The following MCCC2 variants were observed in gnomAD, a reference collection of about 807,000 sequenced individuals.
MCCC2 encodes methylcrotonyl-CoA carboxylase subunit 2.
A neutral mutation model predicts 77.2 loss-of-function variants in MCCC2; 52 were observed. That is an observed-to-expected ratio of 0.67 (90% CI 0.54 to 0.85). The LOEUF (loss-of-function observed/expected upper bound fraction) is 0.85, where lower values mean the gene tolerates loss of function less well. Among genes scored for constraint, MCCC2 ranks in the 40% least tolerant of loss-of-function variants. MCCC2 has a pLI of 0.00. For missense variants in MCCC2, 682 were observed against 703.2 expected (o/e 0.97, Z 0.34); for synonymous variants, 253 against 248.4 (o/e 1.02, Z -0.18).
chr5:71,633,615 G>A (rs1345521812), intron 8 of MCCC2, among the ~76,000 whole-genome samples: 1 of 151,804 alleles, frequency 6.6e-6, no homozygotes, highest in Admixed American at 6.6e-5. Context: ...TCTCTCAAAT[G>A]CATCTTTATA....
intron 7 of MCCC2, among the ~76,000 whole-genome samples, chr5:71,628,080 G>C (rs1346538310): frequency 6.6e-6 from 1 of 152,178 alleles, no homozygotes; most frequent in Non-Finnish European, 1.5e-5. Context: ...CTGACCTCAG[G>C]TGGTATGCCT....
chr5:71,643,449 T>C (rs1747184608), intron 11 of MCCC2, among the ~76,000 whole-genome samples: 3 of 152,234 alleles, frequency 2.0e-5, no homozygotes, highest in Non-Finnish European at 2.9e-5. Flanking sequence ...TGTTAATTTT[T>C]CTTCAATAAT....
intron 7 of MCCC2, among the ~76,000 whole-genome samples, chr5:71,629,438 G>A (rs530848475): frequency 3.3e-5 from 5 of 152,208 alleles, no homozygotes; most frequent in African/African-American, 9.6e-5. Context: ...CTTTGTGAAT[G>A]TACTAAAAGC....
intron 8 of MCCC2, among the ~76,000 whole-genome samples, chr5:71,634,192 T>G (rs1459122475): frequency 1.3e-5 from 2 of 152,218 alleles, no homozygotes; most frequent in Non-Finnish European, 2.9e-5. Context: ...TATTAGAAAG[T>G]CATAGTTTAT....
At chr5:71,640,089 A>C (rs1747073421) in intron 10 of MCCC2, among the ~76,000 whole-genome samples, 1 of 152,172 alleles carries the variant, frequency 6.6e-6, no homozygotes, top group African/African-American at 2.4e-5. Context: ...CTGATATATA[A>C]TGATAAGCCC....
chr5:71,643,641 G>A (rs1005015906), intron 11 of MCCC2, 178 bp from the exon 12 acceptor site: 3 of 1,217,742 alleles, frequency 2.5e-6, no homozygotes, highest in South Asian at 2.7e-5. Context: ...AGAAACCAGA[G>A]TCTAGGACCT....
At chr5:71,603,538 G>A (rs914236802) in intron 5 of MCCC2, among the ~76,000 whole-genome samples, 2 of 150,600 alleles carry the variant, frequency 1.3e-5, no homozygotes, top group Non-Finnish European at 2.9e-5. Flanking sequence ...GGTATTTTTT[G>A]TTTTGTGTTT....
intron 6 of MCCC2, among the ~76,000 whole-genome samples, chr5:71,608,942 T>G (rs1228937427): frequency 6.6e-6 from 1 of 152,156 alleles, no homozygotes; most frequent in Non-Finnish European, 1.5e-5. Flanking sequence ...GATCCGCTGT[T>G]AGTCTGATGG....
intron 7 of MCCC2, among the ~76,000 whole-genome samples, chr5:71,627,781 T>G (rs1444543579): frequency 6.6e-6 from 1 of 152,098 alleles, no homozygotes; most frequent in Non-Finnish European, 1.5e-5. Flanking sequence ...AGTACCTCAT[T>G]TTGGTTTTGA....
chr5:71,629,703 A>T (rs1409363706), intron 7 of MCCC2, among the ~76,000 whole-genome samples: 6 of 151,500 alleles, frequency 4.0e-5, no homozygotes. Flanking sequence ...CAAATGTAAA[A>T]GTCTTAAGGC....
At chr5:71,647,619 A>G (rs1747305449) in intron 13 of MCCC2, among the ~76,000 whole-genome samples, 1 of 152,112 alleles carries the variant, frequency 6.6e-6, no homozygotes, top group African/African-American at 2.4e-5. Context: ...ATTCACCTGG[A>G]GGCATATAGT....
intron 10 of MCCC2, among the ~76,000 whole-genome samples, chr5:71,637,667 A>T (rs752086855): frequency 2.6e-5 from 4 of 152,168 alleles, no homozygotes; most frequent in Non-Finnish European, 4.4e-5. Context: ...TCTTGCTTTT[A>T]TGAAATATTC....
intron 6 of MCCC2, 76 bp from the exon 7 acceptor site, chr5:71,626,564 G>T: frequency 8.7e-7 from 1 of 1,146,172 alleles, no homozygotes. Context: ...CAGTGTTTGT[G>T]GGATTCTGGA....
At chr5:71,623,059 G>A (rs1473072934) in intron 6 of MCCC2, among the ~76,000 whole-genome samples, 2 of 152,218 alleles carry the variant, frequency 1.3e-5, no homozygotes, top group Non-Finnish European at 2.9e-5. Context: ...GCCATCTCTG[G>A]AATAGTTGAA....
intron 6 of MCCC2, among the ~76,000 whole-genome samples, chr5:71,624,308 AGATGGTAT>A (rs1746461942): frequency 1.3e-5 from 2 of 152,352 alleles, no homozygotes; most frequent in South Asian, 4.1e-4. Context: ...AGTCTGTAGT[AGATGGTAT>A]GATGGCATTT....
At chr5:71,654,452 C>A (rs890137679) in intron 16 of MCCC2, among the ~76,000 whole-genome samples, 3 of 151,876 alleles carry the variant, frequency 2.0e-5, no homozygotes, top group African/African-American at 7.3e-5. Flanking sequence ...ATTTTATCAT[C>A]GTGTAAACAG....
chr5:71,590,096 C>T (rs112509185), intron 1 of MCCC2, among the ~76,000 whole-genome samples: 7 of 146,052 alleles, frequency 4.8e-5, no homozygotes, highest in South Asian at 2.2e-4. Flanking sequence ...AATGTTGTTT[C>T]GCAGGTGATT....
intron 13 of MCCC2, among the ~76,000 whole-genome samples, chr5:71,647,407 C>G (rs970817593): frequency 1.3e-4 from 20 of 152,286 alleles, no homozygotes; most frequent in Admixed American, 3.9e-4. Flanking sequence ...TGCATGGTAA[C>G]TTATGTAAAA....
intron 6 of MCCC2, among the ~76,000 whole-genome samples, chr5:71,620,951 A>G (rs1367615080): frequency 6.6e-6 from 1 of 152,000 alleles, no homozygotes; most frequent in Non-Finnish European, 1.5e-5. Flanking sequence ...AGTTCTTTGG[A>G]GTTCACCTCT....
Sources: gnomAD v4.1 joint callset for allele counts (sites outside exome capture counted in the v4.1 genomes callset) on GRCh38, gnomAD v4.1.1 for gene constraint, MANE v1.5 for transcripts, NCBI Gene and HGNC (gene_info 2026-07-23, HGNC 2026-07-21) for gene names.